JADE2: variants seen among roughly 807,000 people sequenced by gnomAD.
JADE2 encodes E3 ubiquitin-protein ligase Jade-2.
In JADE2, 13 loss-of-function variants were observed where a neutral mutation model predicts 85.7. The ratio of observed to expected loss-of-function variants is 0.15; its 90% CI spans 0.10 to 0.24. The LOEUF (loss-of-function observed/expected upper bound fraction) is 0.24. Ranked by LOEUF, JADE2 falls within the 10% of genes least tolerant of loss-of-function variation. The pLI is 1.00. For missense variants in JADE2, 846 were observed against 1,115.9 expected (o/e 0.76, Z 3.45); for synonymous variants, 440 against 456.1 (o/e 0.96, Z 0.45).
At chr5:134,571,818 C>T (rs1019328564) in intron 9 of JADE2, among the ~76,000 whole-genome samples, 3 of 152,258 alleles carry the variant, frequency 2.0e-5, no homozygotes, top group Admixed American at 1.3e-4. Context: ...ATTCCTGCCA[C>T]GAGGCTCTGC....
chr5:134,532,073 C>T (rs533932293), intron 1 of JADE2, among the ~76,000 whole-genome samples: 13 of 151,754 alleles, frequency 8.6e-5, no homozygotes, highest in East Asian at 1.9e-4. Flanking sequence ...TTCATAGAGT[C>T]GGGGATTTGC....
intron 1 of JADE2, among the ~76,000 whole-genome samples, chr5:134,527,263 C>T (rs1760909234): frequency 6.6e-6 from 1 of 152,132 alleles, no homozygotes; most frequent in African/African-American, 2.4e-5. Flanking sequence ...CGGCGCCCGC[C>T]CGCCTCCTCC....
chr5:134,552,938 C>T (rs1370892684), intron 4 of JADE2, among the ~76,000 whole-genome samples: 8 of 148,868 alleles, frequency 5.4e-5, no homozygotes, highest in African/African-American at 1.7e-4. Flanking sequence ...GGCTGGCCTC[C>T]GAAAGTGCTG....
chr5:134,557,531 T>G (rs765847587), intron 4 of JADE2, among the ~76,000 whole-genome samples: 1 of 68,012 alleles, frequency 1.5e-5, no homozygotes, highest in African/African-American at 5.0e-5. Context: ...CCCTCCCCCC[T>G]CCCCCGAACC....
chr5:134,561,223 G>A (rs1270048880), intron 6 of JADE2, among the ~76,000 whole-genome samples: 2 of 152,184 alleles, frequency 1.3e-5, no homozygotes, highest in Non-Finnish European at 2.9e-5. Flanking sequence ...CCCTGTCCCT[G>A]CCCCTCCTCC....
chr5:134,551,995 G>T (rs1342972376), intron 3 of JADE2, 57 bp from the exon 4 acceptor site: 6 of 1,564,798 alleles, frequency 3.8e-6, no homozygotes, highest in African/African-American at 1.4e-5. Flanking sequence ...TCTGGCCTGT[G>T]GGGCAGACTG....
At position 134,577,426 on chromosome 5, in the gene JADE2, A is replaced by G. The variant is rs893717458; in HGVS notation, c.1681+530A>G. ...CTAATGGGAGCAGTGTGACTCATGGACCTCACGTGCTTCCTCCAGAGATCT... is the reference window on the plus strand; with the variant it reads ...CTAATGGGAGCAGTGTGACTCATGGGCCTCACGTGCTTCCTCCAGAGATCT... On this transcript the variant is annotated intron_variant, in intron 11 of 11. Transcript: ENST00000681547. Among the ~76,000 whole-genome samples, 31 of 152,064 alleles carry G rather than the reference A, an allele frequency of 2.0e-4. 1 individual carries two copies. The highest frequency in any genetic ancestry group is 8.8e-5 in the Non-Finnish European group (6 of 68,006).
rs1371949549 is a variant in JADE2 at position 134,581,270 on chromosome 5, G to A, written c.*1953G>A. 1 of 152,652 alleles carries A rather than the reference G, an allele frequency of 6.6e-6. No individual in the cohort carries two copies. Among genetic ancestry groups the A allele is most frequent in the Admixed American group, 6.5e-5 (1 of 15,282 alleles). 9.5% of individuals were successfully genotyped at this position (152,652 alleles called of 1,614,324 possible). ...AGAGTTTAGTCTGCCTGCCCGCCTT[G>A]GTAGTAGTGACCAGTCAGTGTCAGC... On this transcript the variant is annotated 3_prime_UTR_variant, in exon 12 of 12. Coordinates refer to ENST00000681547, the MANE Select transcript of JADE2 (RefSeq NM_001388185.1).
In JADE2 at chr5:134,580,043, CAG is replaced by C. The variant is rs1250053810; in HGVS notation, c.*727_*728del. On this transcript the variant is annotated 3_prime_UTR_variant, in exon 12 of 12. Coordinates refer to ENST00000681547, the MANE Select transcript of JADE2 (RefSeq NM_001388185.1). ...TCCCTCCTGAGCTGTGCCATTTACT[CAG>C]GGGACTCCCAAACAGCCAGCTGCCA... The C allele has an allele frequency of 1.3e-5, 2 of 152,726 alleles. No individual in the cohort carries two copies. Among genetic ancestry groups the C allele is most frequent in the Non-Finnish European group, 2.9e-5 (2 of 68,118 alleles). The allele number at this position is 152,726 out of a possible 1,614,324, so 9.5% of individuals were successfully genotyped here. A position where few individuals can be genotyped will look rare whatever the true frequency, so the allele number is the denominator to read the frequency against.
chr5:134,582,758 G>A lies in JADE2; in HGVS notation c.*3441G>A, dbSNP rs888923470. The stretch of plus-strand genomic sequence containing the variant: ...TCCACGTCAGTTTGAGGGGACGGTG[G>A]GGGGATGATATGAATGTCACAGGAG... On this transcript the variant is annotated 3_prime_UTR_variant, in exon 12 of 12. Transcript: ENST00000681547. The A allele has an allele frequency of 2.0e-5, 3 of 152,618 alleles. No individual in the cohort carries two copies. The highest frequency in any genetic ancestry group is 7.2e-5 in the African/African-American group (3 of 41,432). 9.5% of individuals were successfully genotyped at this position (152,618 alleles called of 1,614,324 possible).
At chr5:134,552,285 C>T in intron 4 of JADE2, 76 bp downstream of exon 4, 1 of 1,340,866 alleles carries the variant, frequency 7.5e-7, no homozygotes, top group Non-Finnish European at 1.0e-6. Flanking sequence ...GTTAGGTGAC[C>T]TGCCAGTCCT....
upstream of JADE2, chr5:134,525,651 T>A: frequency 8.8e-7 from 1 of 1,142,380 alleles, no homozygotes; most frequent in Non-Finnish European, 1.1e-6. Context: ...CACAAGGAAG[T>A]CTTGGTTTAA....
chr5:134,533,238 A>G (rs1761363392), intron 1 of JADE2, among the ~76,000 whole-genome samples: 1 of 152,220 alleles, frequency 6.6e-6, no homozygotes, highest in African/African-American at 2.4e-5. Context: ...TCTGGCACCC[A>G]TATGGATCTC....
intron 9 of JADE2, among the ~76,000 whole-genome samples, chr5:134,571,707 AAAG>A (rs1764034544): frequency 6.6e-6 from 1 of 152,192 alleles, no homozygotes; most frequent in South Asian, 2.1e-4. Flanking sequence ...GAAAGAAAAA[AAAG>A]AAAATCCAAT....
In JADE2 at chr5:134,573,738, C is replaced by T. The variant is rs774929992; in HGVS notation, c.1528C>T (p.Leu510Phe). 5 of 1,612,054 alleles carry T rather than the reference C, an allele frequency of 3.1e-6. No homozygotes were observed. The highest frequency in any genetic ancestry group is 1.3e-5 in the African/African-American group (1 of 75,026). The change falls in exon 10 of 12, where the codon CTT (leucine) becomes TTT (phenylalanine). Residue 510 changes from leucine (L) to phenylalanine (F), a missense_variant. Transcript: ENST00000681547. ...QEQIFHLQMK[L>F]IEQDLCRERS... is the part of the protein sequence containing the mutation. ...GCAGATATTCCACCTGCAGATGAAA[C>T]TTATTGAACAGGATCTGTGTCGAGG...
intron 9 of JADE2, among the ~76,000 whole-genome samples, chr5:134,567,009 C>T (rs945057811): frequency 6.6e-6 from 1 of 152,226 alleles, no homozygotes; most frequent in Non-Finnish European, 1.5e-5. Context: ...GCTTCCCAAG[C>T]TGTCCCCGTA....
At position 134,564,502 on chromosome 5, in the gene JADE2, C is replaced by T. The variant is rs34150573; in HGVS notation, c.861C>T (p.Ile287=). 5,401 of 1,588,730 alleles carry T rather than the reference C, an allele frequency of 3.4e-3. 140 individuals are homozygous for T. In the African/African-American group the frequency reaches 0.062, roughly 18 times the overall value. Residue 287 remains isoleucine, a synonymous_variant, in exon 8 of 12, where the codon ATC becomes ATT. Coordinates refer to ENST00000681547, the MANE Select transcript of JADE2 (RefSeq NM_001388185.1). ...CCCTGTGTCCTGCCCAGGTCAGCAT[C>T]GGCTGCCCAGAGAAGATGGAGCCCA... is the stretch of plus-strand genomic sequence containing the variant. ...SCALWIPEVS[I]GCPEKMEPIT... is the part of the protein sequence containing the mutation.
rs1761709071 is a variant in JADE2 at position 134,537,993 on chromosome 5, T to C, written c.63T>C (p.His21=). The change falls in exon 3 of 12, where the codon CAT becomes CAC. Residue 21 remains histidine (H), a synonymous_variant. Coordinates refer to ENST00000681547, the MANE Select transcript of JADE2 (RefSeq NM_001388185.1). ...SSDNSDTTDS[H]ATSTSASRCS... ...TGGACTGTTCTCTCTCTGCAGGTCA[T>C]GCGACATCTACATCCGCATCAAGAT... The C allele has an allele frequency of 6.2e-7, 1 of 1,613,760 alleles. No homozygotes were observed.
At chr5:134,573,457 G>C (rs943607963) in intron 9 of JADE2, among the ~76,000 whole-genome samples, 188 bp from the exon 10 acceptor site, 1 of 152,208 alleles carries the variant, frequency 6.6e-6, no homozygotes, top group Non-Finnish European at 1.5e-5. Context: ...TTGGATCCGA[G>C]ACATGCAGCA....
Sources: allele counts gnomAD v4.1 joint callset (sites outside exome capture counted in the v4.1 genomes callset), GRCh38; gene constraint gnomAD v4.1.1; transcripts MANE v1.5; gene names NCBI Gene and HGNC (gene_info 2026-07-23, HGNC 2026-07-21).